The following GABRA2 variants were observed in gnomAD, a reference collection of about 807,000 sequenced individuals.
GABRA2 encodes gamma-aminobutyric acid type A receptor subunit alpha2, also known as gamma-aminobutyric acid receptor subunit alpha-2.
Under a neutral mutation model 48.7 loss-of-function variants are expected in GABRA2, and 16 were observed. The observed-to-expected ratio is 0.33, with a 90% CI of 0.22 to 0.50. The LOEUF (loss-of-function observed/expected upper bound fraction) is 0.50, where lower values mean the gene tolerates loss of function less well. GABRA2 is among the 20% of genes least tolerant of loss of function. The pLI, the probability that GABRA2 is intolerant of heterozygous loss-of-function variation, is 0.98. For missense variants in GABRA2, 275 were observed against 535.6 expected (o/e 0.51, Z 4.80); for synonymous variants, 185 against 184.5 (o/e 1.00, Z -0.02).
intron 3 of GABRA2, among the ~76,000 whole-genome samples, chr4:46,336,720 C>T (rs1319479301): frequency 6.6e-6 from 1 of 152,008 alleles, no homozygotes; most frequent in Non-Finnish European, 1.5e-5. Flanking sequence ...CAGGAAATAG[C>T]CTGCAGACAT....
Position 46,250,454 on chromosome 4 carries a change from G to T in GABRA2, c.1210C>A (p.Pro404Thr). The T allele has an allele frequency of 6.2e-7, 1 of 1,612,082 alleles. No homozygotes were observed. The highest frequency in any genetic ancestry group is 1.1e-5 in the South Asian group (1 of 91,048). Residue 404 changes from proline (P) to threonine (T), a missense_variant, in exon 10 of 10, where the codon CCA (proline) becomes ACA (threonine). Physicochemically the swap from Pro to Thr is conservative, Grantham distance 38. Transcript: ENST00000381620. ...TTGAAAGTTTTCTTTGCTTCAGCTG[G>T]CTTGTTTTCTGGCTTCTTGTTGGGT... ...PEPNKKPENK[P>T]AEAKKTFNSV...
chr4:46,361,868 ATT>A (rs1361574801), intron 3 of GABRA2, among the ~76,000 whole-genome samples: 1 of 152,158 alleles, frequency 6.6e-6, no homozygotes, highest in Non-Finnish European at 1.5e-5. Flanking sequence ...TTAAGATCCA[ATT>A]GCCCCACTAG....
chr4:46,295,806 C>T (rs188394917), intron 8 of GABRA2, among the ~76,000 whole-genome samples: 2 of 152,334 alleles, frequency 1.3e-5, no homozygotes, highest in African/African-American at 4.8e-5. Context: ...TTTGTTCTCA[C>T]TTGAATGGAC....
At chr4:46,265,457 TAA>T (rs1560448672) in intron 8 of GABRA2, among the ~76,000 whole-genome samples, 10 of 133,350 alleles carry the variant, frequency 7.5e-5, no homozygotes, top group African/African-American at 2.4e-4. Flanking sequence ...TGTATATATA[TAA>T]TATATATATA....
At chr4:46,359,382 C>G (rs771094283) in intron 3 of GABRA2, among the ~76,000 whole-genome samples, 2 of 152,080 alleles carry the variant, frequency 1.3e-5, no homozygotes, top group African/African-American at 2.4e-5. Context: ...TCATTATAAT[C>G]ATTATACTCA....
chr4:46,382,619 T>C (rs567976894), intron 3 of GABRA2, among the ~76,000 whole-genome samples: 2 of 152,288 alleles, frequency 1.3e-5, no homozygotes, highest in African/African-American at 4.8e-5. Flanking sequence ...GGATCTATTA[T>C]TAATCGTTAA....
rs141591631 is a variant in GABRA2, at chr4:46,375,284, C to A, written c.187+10790G>T. 8.5e-3 allele frequency among the ~76,000 whole-genome samples: 1,290 copies of A among 152,128 alleles called. 16 individuals carry two copies. Among genetic ancestry groups the A allele is most frequent in the African/African-American group, 0.029 (1,199 of 41,518 alleles). ...ATACCTTATTTGTAAATGATAAGATCTGTACCTCATGGGATGAGGGTATTT... is the reference window on the plus strand; with the variant it reads ...ATACCTTATTTGTAAATGATAAGATATGTACCTCATGGGATGAGGGTATTT... On this transcript the variant is annotated intron_variant, in intron 3 of 9. Coordinates refer to ENST00000381620, the MANE Select transcript of GABRA2 (RefSeq NM_000807.4).
At chr4:46,370,806 C>A (rs1448988307) in intron 3 of GABRA2, among the ~76,000 whole-genome samples, 1 of 152,080 alleles carries the variant, frequency 6.6e-6, no homozygotes, top group South Asian at 2.1e-4. Context: ...CAACTCTATA[C>A]TCTGTCTATT....
chr4:46,373,232 C>A (rs893393907), intron 3 of GABRA2, among the ~76,000 whole-genome samples: 2 of 152,278 alleles, frequency 1.3e-5, no homozygotes, highest in African/African-American at 2.4e-5. Flanking sequence ...TTCCATGGAA[C>A]TTTTCATCAC....
chr4:46,352,052 G>A (rs1367316151), intron 3 of GABRA2, among the ~76,000 whole-genome samples: 1 of 151,508 alleles, frequency 6.6e-6, no homozygotes, highest in Admixed American at 6.6e-5. Flanking sequence ...AGCTCTCCAA[G>A]CAATTTTCAA....
intron 8 of GABRA2, among the ~76,000 whole-genome samples, chr4:46,299,675 CTTTTTTT>C (rs200453930): frequency 7.2e-6 from 1 of 139,430 alleles, no homozygotes; most frequent in Non-Finnish European, 1.6e-5. Context: ...GGGTTTCTTT[CTTTTTTT>C]TTTTTTTTTG....
At chr4:46,252,580 T>C (rs1714999659) in intron 9 of GABRA2, among the ~76,000 whole-genome samples, 1 of 151,526 alleles carries the variant, frequency 6.6e-6, no homozygotes, top group Non-Finnish European at 1.5e-5. Context: ...ATCTGACTTC[T>C]AAACCTCTGC....
chr4:46,263,877 A>G (rs930616836), intron 8 of GABRA2, among the ~76,000 whole-genome samples: 3 of 150,742 alleles, frequency 2.0e-5, no homozygotes, highest in African/African-American at 7.3e-5. Context: ...AAGTCTTTCA[A>G]TCTTTGAACA....
chr4:46,334,658 G>T (rs1190834284), intron 3 of GABRA2, among the ~76,000 whole-genome samples: 1 of 152,158 alleles, frequency 6.6e-6, no homozygotes, highest in Non-Finnish European at 1.5e-5. Flanking sequence ...TCAGTACCTA[G>T]TGGCTATAGG....
intron 3 of GABRA2, chr4:46,368,843 C>T: frequency 2.1e-6 from 1 of 471,282 alleles, no homozygotes; most frequent in Non-Finnish European, 3.8e-6. Flanking sequence ...TCAGATAAAA[C>T]TCAACCCCCT....
intron 9 of GABRA2, among the ~76,000 whole-genome samples, chr4:46,256,708 C>A (rs1423140916): frequency 2.0e-5 from 3 of 151,380 alleles, no homozygotes; most frequent in Admixed American, 6.6e-5. Flanking sequence ...AATTTTATTT[C>A]TATTTTATTT....
chr4:46,268,759 T>TTATAAGTA (rs1718744473), intron 8 of GABRA2, among the ~76,000 whole-genome samples: 1 of 151,896 alleles, frequency 6.6e-6, no homozygotes, highest in African/African-American at 2.4e-5. Context: ...ACAACACTAC[T>TTATAAGTA]TATAATAGCC....
At chr4:46,335,070 C>A (rs1377042575) in intron 3 of GABRA2, among the ~76,000 whole-genome samples, 10 of 152,004 alleles carry the variant, frequency 6.6e-5, no homozygotes. Flanking sequence ...CTAACACAAT[C>A]TTCTAGAATT....
intron 4 of GABRA2, among the ~76,000 whole-genome samples, chr4:46,332,253 T>C (rs1370760928): frequency 6.6e-6 from 1 of 152,154 alleles, no homozygotes. Context: ...CCTAATTCTG[T>C]AAGAAGTCTT....
Sources: gnomAD v4.1 joint callset for allele counts (sites outside exome capture counted in the v4.1 genomes callset) on GRCh38, gnomAD v4.1.1 for gene constraint, MANE v1.5 for transcripts, NCBI Gene and HGNC (gene_info 2026-07-23, HGNC 2026-07-21) for gene names.